Variants in MMP16 observed in about 807,000 individuals in gnomAD.
MMP16 encodes the protein matrix metalloproteinase-16.
Under a neutral mutation model 67.8 loss-of-function variants are expected in MMP16, and 12 were observed. That is an observed-to-expected ratio of 0.18 (90% confidence interval 0.11 to 0.29). The LOEUF (loss-of-function observed/expected upper bound fraction) is 0.29. Ranked by LOEUF, MMP16 falls within the 10% of genes least tolerant of loss-of-function variation. The pLI is 1.00. For missense variants in MMP16, 475 were observed against 765.7 expected (o/e 0.62, Z 4.48); for synonymous variants, 249 against 255.9 (o/e 0.97, Z 0.26).
At chr8:88,075,334 C>T (rs1808629571) in intron 6 of MMP16, among the ~76,000 whole-genome samples, 2 of 152,052 alleles carry the variant, frequency 1.3e-5, no homozygotes, top group Non-Finnish European at 2.9e-5. Flanking sequence ...GGATTAATTG[C>T]CTTTCCTATC....
chr8:88,155,604 T>C (rs1808495824), intron 4 of MMP16, among the ~76,000 whole-genome samples: 1 of 152,174 alleles, frequency 6.6e-6, no homozygotes, highest in African/African-American at 2.4e-5. Flanking sequence ...TCTTGCATTC[T>C]TAAGCTGGAT....
At chr8:88,314,165 C>T (rs533433986) in intron 1 of MMP16, among the ~76,000 whole-genome samples, 164 of 152,268 alleles carry the variant, frequency 1.1e-3, no homozygotes, top group Middle Eastern at 3.4e-3. Flanking sequence ...TTGTTCTTCA[C>T]TAATGTGTAA....
intron 6 of MMP16, among the ~76,000 whole-genome samples, chr8:88,075,378 T>G (rs892140211): frequency 6.6e-6 from 1 of 152,178 alleles, no homozygotes; most frequent in African/African-American, 2.4e-5. Context: ...CATCCAATCA[T>G]AGCACAAGTC....
chr8:88,242,492 A>G (rs1810049397), intron 1 of MMP16, among the ~76,000 whole-genome samples: 1 of 152,194 alleles, frequency 6.6e-6, no homozygotes. Context: ...CCCTGTGTGA[A>G]CACAGCAATA....
chr8:88,262,846 C>CAAAAAAAAAAAA (rs71277991), intron 1 of MMP16, among the ~76,000 whole-genome samples: 7 of 53,466 alleles, frequency 1.3e-4, no homozygotes, highest in African/African-American at 1.8e-4. Context: ...ACTAAAAATA[C>CAAAAAAAAAAAA]AAAAAAAAAA....
intron 6 of MMP16, among the ~76,000 whole-genome samples, chr8:88,096,135 T>G (rs1480329334): frequency 3.9e-5 from 6 of 151,946 alleles, no homozygotes. Flanking sequence ...TGGTACAAAC[T>G]TATTTGGCAG....
Position 88,327,195 on chromosome 8 carries a change from G to A in MMP16, c.12C>T (p.Leu4=), listed in dbSNP as rs1200460685. 2 of 1,614,036 alleles carry A rather than the reference G, an allele frequency of 1.2e-6. No homozygotes were observed. Among genetic ancestry groups the A allele is most frequent in the Non-Finnish European group, 1.7e-6 (2 of 1,179,964 alleles). Residue 4 remains leucine, a synonymous_variant, in exon 1 of 10, where the codon CTC becomes CTT. Transcript: ENST00000286614. The part of the protein sequence containing the change: MIL[L]TFSTGRRLDF... ...CCAACCGTCTTCCAGTGCTGAATGT[G>A]AGTAAGATCATAGTGAACTGTGCTT...
At chr8:88,048,576 AGAG>A (rs1309148348) in intron 8 of MMP16, among the ~76,000 whole-genome samples, 1 of 152,164 alleles carries the variant, frequency 6.6e-6, no homozygotes, top group African/African-American at 2.4e-5. Flanking sequence ...CCCATTTGAG[AGAG>A]GAGAATTCTT....
intron 4 of MMP16, among the ~76,000 whole-genome samples, chr8:88,140,102 G>GGTCT: frequency 6.6e-6 from 1 of 152,146 alleles, no homozygotes; most frequent in Admixed American, 6.6e-5. Flanking sequence ...ATACGGTCTG[G>GGTCT]GTCTGCATTC....
chr8:88,260,281 G>A (rs1810366595), intron 1 of MMP16, among the ~76,000 whole-genome samples: 1 of 150,758 alleles, frequency 6.6e-6, no homozygotes, highest in South Asian at 2.1e-4. Context: ...TCATATTTAA[G>A]GAATACATGT....
chr8:88,210,872 C>T (rs908604236), intron 1 of MMP16, among the ~76,000 whole-genome samples: 5 of 152,064 alleles, frequency 3.3e-5, no homozygotes, highest in African/African-American at 7.2e-5. Context: ...ACACCAAGAG[C>T]TTAACATTTA....
At chr8:88,186,423 C>T in intron 3 of MMP16, 53 bp downstream of exon 3, 17 of 1,605,668 alleles carry the variant, frequency 1.1e-5, no homozygotes, top group Non-Finnish European at 1.3e-5. Flanking sequence ...TGTGTCAAAA[C>T]AAATAGTAAT....
At chr8:88,199,318 T>C (rs1809304455) in intron 1 of MMP16, among the ~76,000 whole-genome samples, 1 of 152,084 alleles carries the variant, frequency 6.6e-6, no homozygotes, top group Admixed American at 6.5e-5. Flanking sequence ...CAAACAAATG[T>C]TTTAAAATAA....
At chr8:88,230,115 T>C (rs941572997) in intron 1 of MMP16, among the ~76,000 whole-genome samples, 1 of 152,100 alleles carries the variant, frequency 6.6e-6, no homozygotes, top group African/African-American at 2.4e-5. Context: ...CATTTTGACA[T>C]ATCTCTAGGA....
chr8:88,123,947 G>C (rs145500031), intron 4 of MMP16, among the ~76,000 whole-genome samples: 201 of 151,884 alleles, frequency 1.3e-3, no homozygotes, highest in African/African-American at 4.6e-3. Flanking sequence ...TGCTCCCCTA[G>C]TGCCTCAAAC....
chr8:88,165,306 G>A (rs184758733), intron 4 of MMP16, among the ~76,000 whole-genome samples: 1 of 151,526 alleles, frequency 6.6e-6, no homozygotes, highest in South Asian at 2.1e-4. Flanking sequence ...GAATTTGATA[G>A]ACATTTCTTT....
At chr8:88,168,435 T>C (rs1430032321) in intron 3 of MMP16, among the ~76,000 whole-genome samples, 2 of 152,214 alleles carry the variant, frequency 1.3e-5, no homozygotes, top group African/African-American at 2.4e-5. Flanking sequence ...AGCAGATATA[T>C]AGTTATTTCT....
At chr8:88,114,077 A>AT (rs1280705743) in intron 6 of MMP16, among the ~76,000 whole-genome samples, 2 of 151,790 alleles carry the variant, frequency 1.3e-5, no homozygotes, top group Non-Finnish European at 2.9e-5. Flanking sequence ...TCTGACTTTC[A>AT]TTTTTTAAAT....
intron 6 of MMP16, among the ~76,000 whole-genome samples, chr8:88,091,251 T>C (rs1808930536): frequency 6.6e-6 from 1 of 151,852 alleles, no homozygotes; most frequent in South Asian, 2.1e-4. Context: ...ATTTTTTTCA[T>C]ATAAGACCAA....
Sources: allele counts gnomAD v4.1 joint callset (sites outside exome capture counted in the v4.1 genomes callset), GRCh38; gene constraint gnomAD v4.1.1; transcripts MANE v1.5; gene names NCBI Gene and HGNC (gene_info 2026-07-23, HGNC 2026-07-21).